Variants in FAT3 observed in about 807,000 individuals in gnomAD.
The protein encoded by FAT3 is protocadherin Fat 3.
Under a neutral mutation model 310.2 loss-of-function variants are expected in FAT3, and 95 were observed. The ratio of observed to expected loss-of-function variants is 0.31; its 90% CI spans 0.26 to 0.36. The LOEUF (loss-of-function observed/expected upper bound fraction) is 0.36. Ranked by LOEUF, FAT3 falls within the 10% of genes least tolerant of loss-of-function variation. The probability of loss-of-function intolerance (pLI) is 1.00; values close to 1 mark genes in which losing one functional copy is unlikely to be tolerated. For synonymous variants in FAT3, 2,314 were observed against 2,192.9 expected (o/e 1.06, Z -1.54); for missense variants, 5,408 against 5,715.6 (o/e 0.95, Z 1.74).
At chr11:92,842,582 A>G (rs1002022345) in intron 18 of FAT3, among the ~76,000 whole-genome samples, 2 of 152,238 alleles carry the variant, frequency 1.3e-5, no homozygotes, top group African/African-American at 4.8e-5. Context: ...AATAATAAAA[A>G]TAACAACAGA....
chr11:92,851,614 C>T (rs920864646), intron 19 of FAT3, among the ~76,000 whole-genome samples: 1 of 152,140 alleles, frequency 6.6e-6, no homozygotes, highest in African/African-American at 2.4e-5. Flanking sequence ...AGGAGCTAAA[C>T]ACATCTGATC....
rs1191232883 is a variant in FAT3 at position 92,880,788 on chromosome 11, C to T, written c.12185C>T (p.Thr4062Ile). 6.2e-6 allele frequency: 10 copies of T among 1,613,878 alleles called. No homozygotes were observed. Among genetic ancestry groups the T allele is most frequent in the Middle Eastern group, 1.6e-4 (1 of 6,084 alleles). ...FTGRNCESEI[T>I]ACFPNPCRNG... ...GGGAGAAACTGTGAATCTGAGATTACAGCCTGCTTCCCAAACCCCTGCCGG... is the reference window on the plus strand; with the variant it reads ...GGGAGAAACTGTGAATCTGAGATTATAGCCTGCTTCCCAAACCCCTGCCGG... The change falls in exon 23 of 28, where the codon ACA becomes ATA. Residue 4062 changes from threonine to isoleucine, a missense_variant. Around this residue, in one of 5 missense-constraint regions of FAT3, gnomAD observed 14 missense variants for 34.4 expected, o/e 0.41. Coordinates refer to ENST00000525166, the MANE Select transcript of FAT3 (RefSeq NM_001367949.2).
rs761360516 is a variant in FAT3, at chr11:92,478,963, T to TTTC, written c.3293-45669_3293-45668insCTT. ...TTCTTTCTTTCTTTCTTTTCTTTTC[T>TTTC]TTTCTTTTCTTTTCTTTTCTTTTCT... On this transcript the variant is annotated intron_variant, in intron 2 of 27. Coordinates refer to ENST00000525166, the MANE Select transcript of FAT3 (RefSeq NM_001367949.2). 1.1e-3 allele frequency among the ~76,000 whole-genome samples: 148 copies of TTTC among 132,222 alleles called. 4 individuals carry two copies. Among genetic ancestry groups the TTTC allele is most frequent in the Non-Finnish European group, 1.5e-3 (91 of 61,516 alleles). The allele number at this position is 132,222 out of a possible 152,430, so 86.7% of individuals were successfully genotyped here.
chr11:92,298,552 G>A (rs568222577), intron 1 of FAT3, among the ~76,000 whole-genome samples: 1 of 152,234 alleles, frequency 6.6e-6, no homozygotes, highest in East Asian at 1.9e-4. Context: ...CATAAAGGAA[G>A]AGATGTTCTT....
chr11:92,733,051 T>G (rs943223527), intron 4 of FAT3, among the ~76,000 whole-genome samples: 1 of 152,106 alleles, frequency 6.6e-6, no homozygotes, highest in Non-Finnish European at 1.5e-5. Flanking sequence ...GAGGGGCAGG[T>G]AGCTGACTGG....
intron 3 of FAT3, among the ~76,000 whole-genome samples, chr11:92,578,305 T>A (rs1938598209): frequency 6.6e-6 from 1 of 152,118 alleles, no homozygotes; most frequent in Non-Finnish European, 1.5e-5. Context: ...AATTATACAA[T>A]GCATTAAAAA....
At chr11:92,472,051 G>A (rs1565342877) in intron 2 of FAT3, among the ~76,000 whole-genome samples, 1 of 149,804 alleles carries the variant, frequency 6.7e-6, no homozygotes, top group Non-Finnish European at 1.5e-5. Flanking sequence ...TATTATTTTG[G>A]GAGTTCACAT....
chr11:92,314,073 A>G (rs1283602388), intron 1 of FAT3, among the ~76,000 whole-genome samples: 1 of 152,184 alleles, frequency 6.6e-6, no homozygotes, highest in African/African-American at 2.4e-5. Context: ...CTCCTACTGT[A>G]TATTTTTTCA....
At chr11:92,431,165 A>G (rs1230707669) in intron 2 of FAT3, among the ~76,000 whole-genome samples, 1 of 152,196 alleles carries the variant, frequency 6.6e-6, no homozygotes, top group Non-Finnish European at 1.5e-5. Flanking sequence ...CATCCTCTCC[A>G]GCACCTGTTG....
intron 22 of FAT3, among the ~76,000 whole-genome samples, chr11:92,876,257 C>T (rs1277398772): frequency 6.6e-6 from 1 of 152,180 alleles, no homozygotes; most frequent in Non-Finnish European, 1.5e-5. Context: ...AATCTAATTC[C>T]TCCTCCCAAG....
intron 4 of FAT3, among the ~76,000 whole-genome samples, chr11:92,716,510 C>G (rs1033520010): frequency 6.6e-6 from 1 of 151,918 alleles, no homozygotes; most frequent in Non-Finnish European, 1.5e-5. Flanking sequence ...CAAAAATTAT[C>G]TTTTTACTTT....
intron 1 of FAT3, among the ~76,000 whole-genome samples, chr11:92,305,839 A>G (rs1947103489): frequency 6.6e-6 from 1 of 152,172 alleles, no homozygotes; most frequent in African/African-American, 2.4e-5. Flanking sequence ...AATGGCATCT[A>G]AATTCAGTGT....
Position 92,837,985 on chromosome 11 carries a change from A to T in FAT3, c.10368+179A>T, listed in dbSNP as rs140600225. Reference sequence around the variant, plus strand: ...CAGATGATTAATAAATGTGAGTAAGAGCTATTGAGGGGTGGATTTTTTTCA... The same window carrying T: ...CAGATGATTAATAAATGTGAGTAAGTGCTATTGAGGGGTGGATTTTTTTCA... On this transcript the variant is annotated intron_variant, in intron 17 of 27. Coordinates refer to ENST00000525166, the MANE Select transcript of FAT3 (RefSeq NM_001367949.2). Among the ~76,000 whole-genome samples, 309 of 152,304 alleles carry T rather than the reference A, an allele frequency of 2.0e-3. 1 individual carries two copies. Among genetic ancestry groups the T allele is most frequent in the African/African-American group, 7.1e-3 (295 of 41,564 alleles).
At chr11:92,529,548 TTTTG>T (rs1045110692) in intron 3 of FAT3, among the ~76,000 whole-genome samples, 21 of 152,200 alleles carry the variant, frequency 1.4e-4, no homozygotes, top group African/African-American at 2.2e-4. Context: ...GTTTTGTTTT[TTTTG>T]TTTGTTTGTT....
Position 92,355,127 on chromosome 11 carries a change from C to T in FAT3, c.3015C>T (p.Phe1005=). The T allele has an allele frequency of 6.2e-7, 1 of 1,613,796 alleles. No individual in the cohort carries two copies. The highest frequency in any genetic ancestry group is 8.5e-7 in the Non-Finnish European group (1 of 1,179,870). ...SKELDYEKQQ[F]YNLTVRAKDK... ...AGCTTGATTATGAGAAACAGCAGTT[C>T]TATAACCTTACTGTGCGGGCCAAAG... is the stretch of plus-strand genomic sequence containing the variant. Residue 1005 remains phenylalanine, a synonymous_variant, in exon 2 of 28, where the codon TTC becomes TTT. Transcript: ENST00000525166.
intron 1 of FAT3, among the ~76,000 whole-genome samples, chr11:92,263,979 A>G (rs1422490700): frequency 1.3e-5 from 2 of 152,100 alleles, no homozygotes; most frequent in African/African-American, 2.4e-5. Flanking sequence ...GTAGATAATC[A>G]TTATGCCCAT....
At chr11:92,344,761 T>G (rs1199310291) in intron 1 of FAT3, among the ~76,000 whole-genome samples, 1 of 152,032 alleles carries the variant, frequency 6.6e-6, no homozygotes, top group African/African-American at 2.4e-5. Context: ...GGCATTAAGT[T>G]TGTGGGTGGA....
chr11:92,822,358 C>A (rs1375145260), intron 13 of FAT3, among the ~76,000 whole-genome samples: 2 of 151,690 alleles, frequency 1.3e-5, no homozygotes, highest in Non-Finnish European at 2.9e-5. Context: ...TTGGATCAGT[C>A]TGGATCGAAC....
intron 1 of FAT3, among the ~76,000 whole-genome samples, chr11:92,249,846 G>A (rs1865068395): frequency 6.6e-6 from 1 of 152,080 alleles, no homozygotes. Context: ...TTACAACCAA[G>A]AAGAGGATTT....
Sources: gnomAD v4.1 joint callset for allele counts (sites outside exome capture counted in the v4.1 genomes callset) on GRCh38, gnomAD v4.1.1 for gene constraint, gnomAD v4.1.1 regional missense constraint, MANE v1.5 for transcripts, NCBI Gene and HGNC (gene_info 2026-07-23, HGNC 2026-07-21) for gene names.